The following GNAZ variants were observed in gnomAD, a reference collection of about 807,000 sequenced individuals.
GNAZ encodes the protein guanine nucleotide-binding protein G(z) subunit alpha.
In GNAZ, 3 loss-of-function variants were observed where a neutral mutation model predicts 25.4. The observed-to-expected ratio is 0.12, with a 90% CI of 0.05 to 0.30. The LOEUF (loss-of-function observed/expected upper bound fraction) is 0.30. Among genes scored for constraint, GNAZ ranks in the 10% least tolerant of loss-of-function variants. The pLI, the probability that GNAZ is intolerant of heterozygous loss-of-function variation, is 1.00. For synonymous variants in GNAZ, 211 were observed against 205.7 expected (o/e 1.03, Z -0.22); for missense variants, 241 against 501.8 (o/e 0.48, Z 4.97).
rs141637624 is a variant in GNAZ, at chr22:23,119,929, G to A, written c.724-3158G>A. Among the ~76,000 whole-genome samples the A allele has an allele frequency of 1.6e-3, 237 of 152,342 alleles. 2 individuals carry two copies. Among genetic ancestry groups the A allele is most frequent in the African/African-American group, 5.4e-3 (224 of 41,578 alleles). Reference sequence around the variant, plus strand: ...TTAGTCAGTGTGGTTCCCATGGTTTGTCTCAAGGAATAGAGGAAACCAGGA... The same window carrying A: ...TTAGTCAGTGTGGTTCCCATGGTTTATCTCAAGGAATAGAGGAAACCAGGA... On this transcript the variant is annotated intron_variant, in intron 2 of 2. Coordinates refer to ENST00000615612, the MANE Select transcript of GNAZ (RefSeq NM_002073.4).
chr22:23,082,279 C>G (rs369434390), intron 1 of GNAZ, among the ~76,000 whole-genome samples: 1 of 151,440 alleles, frequency 6.6e-6, no homozygotes, highest in Non-Finnish European at 1.5e-5. Context: ...TGTAATGGCG[C>G]GATCTCGGCT....
At chr22:23,118,483 C>T (rs983926561) in intron 2 of GNAZ, among the ~76,000 whole-genome samples, 3 of 143,018 alleles carry the variant, frequency 2.1e-5, no homozygotes, top group South Asian at 2.2e-4. Flanking sequence ...CCCCGCCCCA[C>T]CCCCCGCGGC....
At chr22:23,101,826 CAG>C (rs1276517259) in intron 2 of GNAZ, among the ~76,000 whole-genome samples, 1 of 152,194 alleles carries the variant, frequency 6.6e-6, no homozygotes, top group Non-Finnish European at 1.5e-5. Flanking sequence ...AGAGGCTCCA[CAG>C]GGGTGGGAGA....
Position 23,123,485 on chromosome 22 carries a change from C to G in GNAZ, c.*54C>G. 4 of 1,207,980 alleles carry G rather than the reference C, an allele frequency of 3.3e-6. No homozygotes were observed. Among genetic ancestry groups the G allele is most frequent in the Non-Finnish European group, 4.8e-6 (4 of 837,710 alleles). The allele number at this position is 1,207,980 out of a possible 1,614,324, so 74.8% of individuals were successfully genotyped here. A position where few individuals can be genotyped will look rare whatever the true frequency, so the allele number is the denominator to read the frequency against. On this transcript the variant is annotated 3_prime_UTR_variant, in exon 3 of 3. Transcript: ENST00000615612. ...TGGTGAAACCCACGGGGTGTCATGC[C>G]CCAACGCGTGCTAGAGAGGCCCAAT...
intron 2 of GNAZ, among the ~76,000 whole-genome samples, chr22:23,118,391 G>A (rs1191376239): frequency 6.6e-6 from 1 of 152,260 alleles, no homozygotes; most frequent in Non-Finnish European, 1.5e-5. Context: ...AGCAGGCCCT[G>A]GAGAGAGCAG....
rs967514540 is a variant in GNAZ at position 23,124,510 on chromosome 22, T to C, written c.*1079T>C. 2 of 354,144 alleles carry C rather than the reference T, an allele frequency of 5.6e-6. No homozygotes were observed. Among genetic ancestry groups the C allele is most frequent in the Non-Finnish European group, 1.2e-5 (2 of 163,874 alleles). 21.9% of individuals were successfully genotyped at this position (354,144 alleles called of 1,614,324 possible). A position where few individuals can be genotyped will look rare whatever the true frequency, so the allele number is the denominator to read the frequency against. ...ATGGTGGGGTTTTCTGCTTTGTTTTTATTTAAGAAAATAAACACGACATAT... is the reference window on the plus strand; with the variant it reads ...ATGGTGGGGTTTTCTGCTTTGTTTTCATTTAAGAAAATAAACACGACATAT... On this transcript the variant is annotated 3_prime_UTR_variant, in exon 3 of 3. Transcript: ENST00000615612.
intron 1 of GNAZ, among the ~76,000 whole-genome samples, chr22:23,090,147 T>A (rs756406331): frequency 6.6e-6 from 1 of 152,142 alleles, no homozygotes. Flanking sequence ...GCCCTGGCCA[T>A]AAGCACAGCA....
At chr22:23,076,380 A>G (rs1355725133) in intron 1 of GNAZ, among the ~76,000 whole-genome samples, 8 of 152,166 alleles carry the variant, frequency 5.3e-5, no homozygotes. Flanking sequence ...GTCATGCCTC[A>G]GTGGCCCTGT....
At chr22:23,103,435 C>T (rs371852552) in intron 2 of GNAZ, among the ~76,000 whole-genome samples, 15 of 152,280 alleles carry the variant, frequency 9.9e-5, no homozygotes, top group East Asian at 7.7e-4. Flanking sequence ...CTGAAGAACC[C>T]GACAGTGTCC....
intron 1 of GNAZ, among the ~76,000 whole-genome samples, chr22:23,076,545 G>A (rs1006558290): frequency 6.6e-6 from 1 of 152,194 alleles, no homozygotes; most frequent in Non-Finnish European, 1.5e-5. Flanking sequence ...ACCACCCTCA[G>A]GTGGATGCTA....
At chr22:23,108,643 G>A (rs953229049) in intron 2 of GNAZ, among the ~76,000 whole-genome samples, 1 of 152,268 alleles carries the variant, frequency 6.6e-6, no homozygotes, top group Non-Finnish European at 1.5e-5. Context: ...CCCTCATGGG[G>A]CAGAACTCAG....
chr22:23,116,160 T>G (rs182400643), intron 2 of GNAZ, among the ~76,000 whole-genome samples: 2 of 152,374 alleles, frequency 1.3e-5, no homozygotes, highest in Admixed American at 1.3e-4. Context: ...TGCCATGACC[T>G]CCGTCTCCTC....
At chr22:23,113,246 G>C (rs960990770) in intron 2 of GNAZ, among the ~76,000 whole-genome samples, 1 of 152,232 alleles carries the variant, frequency 6.6e-6, no homozygotes, top group African/African-American at 2.4e-5. Context: ...ACCTGGCCCT[G>C]TGCCCAGGCA....
chr22:23,102,225 A>G (rs904236273), intron 2 of GNAZ, among the ~76,000 whole-genome samples: 6 of 152,226 alleles, frequency 3.9e-5, no homozygotes, highest in South Asian at 2.1e-4. Context: ...TGCTCAGTGA[A>G]TGATGGGTAT....
intron 1 of GNAZ, among the ~76,000 whole-genome samples, chr22:23,072,293 A>G (rs2068399022): frequency 6.6e-6 from 1 of 152,062 alleles, no homozygotes; most frequent in Non-Finnish European, 1.5e-5. Context: ...GCATCCATCT[A>G]CGGGGTGCAG....
At chr22:23,105,911 G>A (rs777134012) in intron 2 of GNAZ, among the ~76,000 whole-genome samples, 13 of 152,238 alleles carry the variant, frequency 8.5e-5, no homozygotes, top group African/African-American at 2.4e-4. Flanking sequence ...AGCTTATGGG[G>A]TCAAGGTGAG....
In GNAZ at chr22:23,118,556, A is replaced by G. The variant is rs578103669; in HGVS notation, c.724-4531A>G. 2.0e-5 allele frequency among the ~76,000 whole-genome samples: 3 copies of G among 148,304 alleles called. No homozygotes were observed. In the South Asian group the frequency reaches 6.9e-4, roughly 34 times the overall value. On this transcript the variant is annotated intron_variant, in intron 2 of 2. Transcript: ENST00000615612. ...TCTTGCCAGAACAGGACACTGTGGCAGTTGGAAAATACCAGGCTCTCAACT... is the reference window on the plus strand; with the variant it reads ...TCTTGCCAGAACAGGACACTGTGGCGGTTGGAAAATACCAGGCTCTCAACT...
At chr22:23,074,773 G>A (rs913803842) in intron 1 of GNAZ, among the ~76,000 whole-genome samples, 7 of 152,134 alleles carry the variant, frequency 4.6e-5, no homozygotes, top group South Asian at 4.2e-4. Context: ...GGAGAAGAGC[G>A]GGTCCCAGAG....
At chr22:23,076,143 G>T (rs1290668104) in intron 1 of GNAZ, among the ~76,000 whole-genome samples, 21 of 152,216 alleles carry the variant, frequency 1.4e-4, no homozygotes, top group Admixed American at 1.4e-3. Flanking sequence ...GACAGGGCTG[G>T]TGGGGCCTCT....
Sources: gnomAD v4.1 joint callset for allele counts (sites outside exome capture counted in the v4.1 genomes callset) on GRCh38, gnomAD v4.1.1 for gene constraint, MANE v1.5 for transcripts, NCBI Gene and HGNC (gene_info 2026-07-23, HGNC 2026-07-21) for gene names.